SVOP: variants seen among roughly 807,000 people sequenced by gnomAD.
SVOP encodes the protein SV2 related protein.
SVOP carries 17 observed loss-of-function variants against 69.1 expected under a neutral mutation model. The ratio of observed to expected loss-of-function variants is 0.25; its 90% CI spans 0.17 to 0.37. The LOEUF is 0.37. Ranked by LOEUF, SVOP falls within the 10% of genes least tolerant of loss-of-function variation. The pLI, the probability that SVOP is intolerant of heterozygous loss-of-function variation, is 1.00. For missense variants in SVOP, 435 were observed against 597.5 expected (o/e 0.73, Z 2.84); for synonymous variants, 238 against 238.6 (o/e 1.00, Z 0.02).
chr12:108,991,899 T>C (rs997402695), intron 1 of SVOP, among the ~76,000 whole-genome samples: 3 of 152,062 alleles, frequency 2.0e-5, no homozygotes, highest in Admixed American at 2.0e-4. Context: ...TGAGCTATGA[T>C]TGCACCACTG....
chr12:108,997,404 A>G (rs1224170577), intron 1 of SVOP, among the ~76,000 whole-genome samples: 1 of 151,168 alleles, frequency 6.6e-6, no homozygotes, highest in Admixed American at 6.6e-5. Context: ...GCCATTGCCC[A>G]GGCTTGCTTA....
chr12:109,019,553 A>G (rs1024745806), intron 1 of SVOP, among the ~76,000 whole-genome samples: 6 of 152,134 alleles, frequency 3.9e-5, no homozygotes, highest in African/African-American at 1.4e-4. Context: ...ATTTATTCTC[A>G]ATAAAAGTTG....
chr12:108,914,253 G>T (rs1328816201), intron 15 of SVOP, among the ~76,000 whole-genome samples: 1 of 152,214 alleles, frequency 6.6e-6, no homozygotes, highest in Non-Finnish European at 1.5e-5. Context: ...ATTTTGGGGT[G>T]ATGAGAATGT....
intron 6 of SVOP, among the ~76,000 whole-genome samples, chr12:108,957,293 A>G (rs938388392): frequency 6.6e-6 from 1 of 152,036 alleles, no homozygotes; most frequent in African/African-American, 2.4e-5. Context: ...CCTCCCAAGT[A>G]GCTGGGATTA....
chr12:109,015,061 G>T (rs2040360542), intron 1 of SVOP, among the ~76,000 whole-genome samples: 1 of 152,094 alleles, frequency 6.6e-6, no homozygotes. Flanking sequence ...CATCCTGATG[G>T]GTATATGAGA....
chr12:108,931,116 T>C (rs752983292), intron 11 of SVOP, among the ~76,000 whole-genome samples: 7 of 152,200 alleles, frequency 4.6e-5, no homozygotes, highest in Non-Finnish European at 8.8e-5. Flanking sequence ...AACCCTGTGA[T>C]TGACTCTACA....
At chr12:108,912,809 T>A in intron 15 of SVOP, 68 bp from the exon 16 acceptor site, 2 of 1,465,620 alleles carry the variant, frequency 1.4e-6, no homozygotes. Context: ...AACCATCAAA[T>A]AGTATTAGTA....
chr12:108,996,013 C>G (rs1368589446), intron 1 of SVOP, among the ~76,000 whole-genome samples: 1 of 151,894 alleles, frequency 6.6e-6, no homozygotes, highest in South Asian at 2.1e-4. Flanking sequence ...CATACATACA[C>G]ACACACACGC....
chr12:108,938,807 C>G lies in SVOP; in HGVS notation c.897+20G>C. ...CACCCCGATACGCACATTGCAGAGT[C>G]TATTGGTCCAGGCACTGACCTGTCT... On this transcript the variant is annotated intron_variant, in intron 9 of 15. Coordinates refer to ENST00000610966, the MANE Select transcript of SVOP (RefSeq NM_018711.5). 6.2e-7 allele frequency: 1 copy of G among 1,613,982 alleles called. No homozygotes were observed. Among genetic ancestry groups the G allele is most frequent in the African/African-American group, 1.3e-5 (1 of 75,060 alleles).
intron 5 of SVOP, among the ~76,000 whole-genome samples, chr12:108,970,972 T>C (rs1037527440): frequency 6.6e-6 from 1 of 152,076 alleles, no homozygotes; most frequent in Non-Finnish European, 1.5e-5. Context: ...TAGCTATGAT[T>C]GCACCTTTGC....
chr12:108,998,899 T>C lies in SVOP; in HGVS notation c.36-15138A>G, dbSNP rs566934326. On this transcript the variant is annotated intron_variant, in intron 1 of 15. Transcript: ENST00000610966. ...CCACCGAGACTAGGAAGAAACTGCA[T>C]CAACTAACAAGCAAAATCACCAGCT... Among the ~76,000 whole-genome samples the C allele has an allele frequency of 2.6e-3, 384 of 149,186 alleles. 3 individuals carry two copies. Among genetic ancestry groups the C allele is most frequent in the African/African-American group, 8.9e-3 (359 of 40,456 alleles).
intron 7 of SVOP, among the ~76,000 whole-genome samples, chr12:108,943,601 A>C (rs1199573557): frequency 1.6e-4 from 1 of 6,318 alleles, no homozygotes; most frequent in Non-Finnish European, 4.1e-4. Context: ...CTGTCTCACA[A>C]AAAAAAAAAA....
intron 1 of SVOP, among the ~76,000 whole-genome samples, chr12:108,987,062 G>A (rs551894662): frequency 6.6e-6 from 1 of 152,246 alleles, no homozygotes; most frequent in African/African-American, 2.4e-5. Context: ...GTGACATTAA[G>A]TTTCACCTGA....
intron 5 of SVOP, among the ~76,000 whole-genome samples, chr12:108,971,476 C>T (rs144360288): frequency 6.6e-6 from 1 of 151,880 alleles, no homozygotes. Flanking sequence ...CAAGATCACA[C>T]AGCCAGTAGT....
Position 108,920,030 on chromosome 12 carries a change from G to C in SVOP, c.1157-244C>G, listed in dbSNP as rs370367940. On this transcript the variant is annotated intron_variant, in intron 12 of 15. Transcript: ENST00000610966. ...CTTCTCATATATTTGCTTTGATGGA[G>C]AAGGCCAGTTGGCAAGGAACTGAAG... is the stretch of plus-strand genomic sequence containing the variant. Among the ~76,000 whole-genome samples, 15 of 152,298 alleles carry C rather than the reference G, an allele frequency of 9.8e-5. 1 individual carries two copies. The South Asian group carries it at 1.7e-3, about 17-fold the overall frequency.
intron 5 of SVOP, among the ~76,000 whole-genome samples, chr12:108,961,427 CT>C (rs373090263): frequency 0.052 from 6,968 of 133,100 alleles, 156 homozygotes; most frequent in Middle Eastern, 0.11. Context: ...ACATTCAAGA[CT>C]TTTTTTTTTT....
chr12:108,995,496 G>T (rs1233259481), intron 1 of SVOP, among the ~76,000 whole-genome samples: 1 of 152,152 alleles, frequency 6.6e-6, no homozygotes, highest in African/African-American at 2.4e-5. Flanking sequence ...CCAGGGGCTG[G>T]GGGGAAGGGA....
rs144669203 is a variant in SVOP, at chr12:108,968,057, G to A, written c.453+4348C>T. On this transcript the variant is annotated intron_variant, in intron 5 of 15. Transcript: ENST00000610966. ...CCTACATGAATGACCATTGTGCATT[G>A]TGGACTTTCCAGGTCAACAAAGAAC... 2.0e-5 allele frequency among the ~76,000 whole-genome samples: 3 copies of A among 152,284 alleles called. No individual in the cohort carries two copies. In the East Asian group the frequency reaches 5.8e-4, roughly 29 times the overall value.
At chr12:108,943,465 G>A (rs1593185454) in intron 7 of SVOP, among the ~76,000 whole-genome samples, 1 of 151,940 alleles carries the variant, frequency 6.6e-6, no homozygotes, top group Non-Finnish European at 1.5e-5. Flanking sequence ...CAGGCGTGGT[G>A]GTGGGCACCT....
Sources: allele counts gnomAD v4.1 joint callset (sites outside exome capture counted in the v4.1 genomes callset), GRCh38; gene constraint gnomAD v4.1.1; transcripts MANE v1.5; gene names NCBI Gene and HGNC (gene_info 2026-07-23, HGNC 2026-07-21).